Variants in PRKCZ observed in about 807,000 individuals in gnomAD.
PRKCZ encodes protein kinase C zeta.
PRKCZ carries 33 observed loss-of-function variants against 79.5 expected under a neutral mutation model. That is an observed-to-expected ratio of 0.41 (90% CI 0.31 to 0.55). The LOEUF is 0.55. Ranked by LOEUF, PRKCZ falls within the 20% of genes least tolerant of loss-of-function variation. The pLI is 0.19. For missense variants in PRKCZ, 578 were observed against 813.5 expected (o/e 0.71, Z 3.52); for synonymous variants, 342 against 320.9 (o/e 1.07, Z -0.70).
At chr1:2,080,491 G>A (rs945602956) in intron 4 of PRKCZ, among the ~76,000 whole-genome samples, 4 of 152,162 alleles carry the variant, frequency 2.6e-5, no homozygotes, top group African/African-American at 9.7e-5. Flanking sequence ...CCTGGGGGCA[G>A]TTTTCAAATG....
intron 11 of PRKCZ, among the ~76,000 whole-genome samples, chr1:2,171,021 T>C (rs1271600431): frequency 6.6e-6 from 1 of 152,162 alleles, no homozygotes; most frequent in African/African-American, 2.4e-5. Flanking sequence ...GAAACTGAAT[T>C]GCTAACCACA....
At chr1:2,076,212 T>G (rs1258066902) in intron 4 of PRKCZ, among the ~76,000 whole-genome samples, 1 of 152,108 alleles carries the variant, frequency 6.6e-6, no homozygotes, top group Non-Finnish European at 1.5e-5. Context: ...GCTGTGCTGG[T>G]CGTGGTGCTC....
chr1:2,052,925 C>A (rs1374175465), intron 1 of PRKCZ, among the ~76,000 whole-genome samples: 1 of 152,202 alleles, frequency 6.6e-6, no homozygotes, highest in Non-Finnish European at 1.5e-5. Flanking sequence ...CCTCCCAGGG[C>A]CCTCTGAGCA....
intron 4 of PRKCZ, chr1:2,074,132 A>C (rs1307557060): frequency 2.6e-6 from 4 of 1,535,434 alleles, no homozygotes; most frequent in East Asian, 2.4e-5. Context: ...GTGCGGCTGC[A>C]GCAGCTCCCA....
chr1:2,096,361 C>T lies in PRKCZ; in HGVS notation c.334+36770C>T, dbSNP rs564550046. On this transcript the variant is annotated intron_variant, in intron 4 of 17. Coordinates refer to ENST00000378567, the MANE Select transcript of PRKCZ (RefSeq NM_002744.6). ...CACCGAGAGAGGCCCAGCCGCCAGGCAGCTGGGAGCACAGGTGTCGGCATC... is the reference window on the plus strand; with the variant it reads ...CACCGAGAGAGGCCCAGCCGCCAGGTAGCTGGGAGCACAGGTGTCGGCATC... 5.9e-5 allele frequency among the ~76,000 whole-genome samples: 9 copies of T among 152,158 alleles called. No individual in the cohort carries two copies. In the South Asian group the frequency reaches 1.7e-3, roughly 28 times the overall value.
At chr1:2,171,110 C>G (rs1205848298) in intron 11 of PRKCZ, among the ~76,000 whole-genome samples, 1 of 152,112 alleles carries the variant, frequency 6.6e-6, no homozygotes, top group African/African-American at 2.4e-5. Context: ...GCGGGCGGAT[C>G]ACGAGGTCAG....
chr1:2,130,644 G>C (rs1317971978), intron 4 of PRKCZ, among the ~76,000 whole-genome samples: 1 of 152,032 alleles, frequency 6.6e-6, no homozygotes, highest in African/African-American at 2.4e-5. Flanking sequence ...CCGCAGCACT[G>C]CTGCTTAGGG....
chr1:2,130,116 G>A (rs1432716485), intron 4 of PRKCZ, among the ~76,000 whole-genome samples: 2 of 152,108 alleles, frequency 1.3e-5, no homozygotes, highest in African/African-American at 2.4e-5. Context: ...ATATTGCCTA[G>A]GCTGGATTCA....
chr1:2,093,779 G>A (rs956874775), intron 4 of PRKCZ, among the ~76,000 whole-genome samples: 3 of 152,144 alleles, frequency 2.0e-5, no homozygotes, highest in African/African-American at 7.2e-5. Context: ...TGCTGTGTAC[G>A]GTGCCTCCTC....
chr1:2,185,157 G>A lies in PRKCZ; in HGVS notation c.*148G>A. 3.8e-6 allele frequency: 3 copies of A among 796,550 alleles called. No individual in the cohort carries two copies. The highest frequency in any genetic ancestry group is 6.2e-6 in the Non-Finnish European group (3 of 480,042). The allele number at this position is 796,550 out of a possible 1,614,324, so 49.3% of individuals were successfully genotyped here. On this transcript the variant is annotated 3_prime_UTR_variant, in exon 18 of 18. Transcript: ENST00000378567. Reference sequence around the variant, plus strand: ...AGACCGCAGAGGGAAGCGTCAGCGGGCGCTGCTGGGAGCAGAACAGTCCCT... The same window carrying A: ...AGACCGCAGAGGGAAGCGTCAGCGGACGCTGCTGGGAGCAGAACAGTCCCT...
In PRKCZ at chr1:2,078,081, C is replaced by T. The variant is rs938895725; in HGVS notation, c.334+18490C>T. On this transcript the variant is annotated intron_variant, in intron 4 of 17. Transcript: ENST00000378567. ...GAAGAGGGGCAGCTCCCACCGATGC[C>T]TGCCTCACCTCCCTCCTGGTGCACC... Among the ~76,000 whole-genome samples the T allele has an allele frequency of 5.9e-5, 9 of 152,288 alleles. No individual in the cohort carries two copies. In the East Asian group the frequency reaches 1.8e-3, roughly 30 times the overall value.
intron 4 of PRKCZ, among the ~76,000 whole-genome samples, chr1:2,064,383 T>C (rs1351294713): frequency 6.6e-6 from 1 of 152,264 alleles, no homozygotes; most frequent in Non-Finnish European, 1.5e-5. Context: ...GAAATCCTGC[T>C]TAATGTTTTT....
intron 4 of PRKCZ, among the ~76,000 whole-genome samples, chr1:2,122,022 GTGGTAGTTAGGTTCA>G (rs1193356910): frequency 3.3e-4 from 2 of 6,118 alleles, no homozygotes; most frequent in Non-Finnish European, 2.5e-4. Flanking sequence ...GGTTAGGGTC[GTGGTAGTTAGGTTCA>G]TGGTGGTGGT....
intron 16 of PRKCZ, among the ~76,000 whole-genome samples, chr1:2,179,450 G>A (rs1398761985): frequency 2.0e-5 from 3 of 152,216 alleles, no homozygotes; most frequent in African/African-American, 7.2e-5. Context: ...TGGATCACGT[G>A]ATCTGTGCTA....
intron 4 of PRKCZ, chr1:2,073,611 G>A: frequency 1.0e-6 from 1 of 988,712 alleles, no homozygotes; most frequent in Non-Finnish European, 1.2e-6. Flanking sequence ...TTGTTTTCCT[G>A]TGACGTCAGC....
At position 2,185,233 on chromosome 1, in the gene PRKCZ, T is replaced by C. The variant is rs771988830; in HGVS notation, c.*224T>C. 4.4e-5 allele frequency: 31 copies of C among 709,266 alleles called. 1 individual carries two copies. Among genetic ancestry groups the C allele is most frequent in the Admixed American group, 8.0e-5 (4 of 49,898 alleles). 43.9% of individuals were successfully genotyped at this position (709,266 alleles called of 1,614,324 possible). A position where few individuals can be genotyped will look rare whatever the true frequency, so the allele number is the denominator to read the frequency against. On this transcript the variant is annotated 3_prime_UTR_variant, in exon 18 of 18. Coordinates refer to ENST00000378567, the MANE Select transcript of PRKCZ (RefSeq NM_002744.6). ...TTCGTGCTGGAGGAACTTGCTGCTG[T>C]GCCTGCGTCGCGGCGGATCCGCGGG... is the stretch of plus-strand genomic sequence containing the variant.
rs893402625 is a variant in PRKCZ at position 2,172,970 on chromosome 1, G to A, written c.1285+582G>A. On this transcript the variant is annotated intron_variant, in intron 13 of 17. Coordinates refer to ENST00000378567, the MANE Select transcript of PRKCZ (RefSeq NM_002744.6). This position sits in a 1 kb window ranked among gnomAD's most constrained non-coding sequence, Gnocchi z 7.8. ...GGCACGCGTGTGCAGCCGTGTGTGCGTGTGTGAAACGGGGACGTGGGCACG... is the reference window on the plus strand; with the variant it reads ...GGCACGCGTGTGCAGCCGTGTGTGCATGTGTGAAACGGGGACGTGGGCACG... Among the ~76,000 whole-genome samples the A allele has an allele frequency of 9.2e-5, 14 of 151,976 alleles. No homozygotes were observed. The highest frequency in any genetic ancestry group is 3.1e-4 in the African/African-American group (13 of 41,310).
At chr1:2,115,220 G>T (rs1425561789) in intron 4 of PRKCZ, among the ~76,000 whole-genome samples, 1 of 152,272 alleles carries the variant, frequency 6.6e-6, no homozygotes, top group Non-Finnish European at 1.5e-5. Flanking sequence ...GTTCTGCCGT[G>T]TCCGTCCCCA....
intron 11 of PRKCZ, 92 bp from the exon 12 acceptor site, chr1:2,171,963 G>A (rs1684528013): frequency 1.4e-6 from 2 of 1,451,266 alleles, no homozygotes; most frequent in Non-Finnish European, 1.8e-6. Context: ...GGCCCGTGGT[G>A]GGGCAAACGG....
Sources: gnomAD v4.1 joint callset for allele counts (sites outside exome capture counted in the v4.1 genomes callset) on GRCh38, gnomAD v4.1.1 for gene constraint, Gnocchi (gnomAD v3.1) non-coding constraint, MANE v1.5 for transcripts, NCBI Gene and HGNC (gene_info 2026-07-23, HGNC 2026-07-21) for gene names.